PIEZO2: variants seen among roughly 807,000 people sequenced by gnomAD.
PIEZO2 encodes the protein piezo-type mechanosensitive ion channel component 2.
A neutral mutation model predicts 337.3 loss-of-function variants in PIEZO2; 172 were observed. That is an observed-to-expected ratio of 0.51 (90% CI 0.45 to 0.58). The LOEUF (loss-of-function observed/expected upper bound fraction) is 0.58. PIEZO2 is among the 20% of genes least tolerant of loss of function. The pLI, the probability that PIEZO2 is intolerant of heterozygous loss-of-function variation, is 0.00. For synonymous variants in PIEZO2, 1,251 were observed against 1,228.5 expected (o/e 1.02, Z -0.38); for missense variants, 3,028 against 3,391.3 (o/e 0.89, Z 2.66).
At chr18:10,712,110 G>A (rs555993226) in intron 39 of PIEZO2, among the ~76,000 whole-genome samples, 204 of 152,294 alleles carry the variant, frequency 1.3e-3, no homozygotes, top group African/African-American at 4.4e-3. Flanking sequence ...TTCCTACAGC[G>A]GGTAGATTTA....
chr18:10,736,503 T>C (rs976469263), intron 34 of PIEZO2, 101 bp downstream of exon 34: 1 of 1,445,176 alleles, frequency 6.9e-7, no homozygotes, highest in Non-Finnish European at 9.1e-7. Flanking sequence ...CGGGGAGCTA[T>C]GACATATGAA....
chr18:10,807,310 A>G, intron 7 of PIEZO2, 36 bp from the exon 8 acceptor site: 2 of 1,516,172 alleles, frequency 1.3e-6, no homozygotes, highest in Non-Finnish European at 1.8e-6. Flanking sequence ...TAAAAGATGC[A>G]ATAAGCTATA....
intron 4 of PIEZO2, among the ~76,000 whole-genome samples, chr18:10,890,943 A>T (rs999528232): frequency 5.3e-5 from 8 of 152,222 alleles, no homozygotes; most frequent in African/African-American, 1.9e-4. Context: ...GAACAAAGGA[A>T]ATAAAAAATA....
chr18:10,687,893 G>A (rs1013596946), intron 49 of PIEZO2, among the ~76,000 whole-genome samples: 8 of 152,212 alleles, frequency 5.3e-5, no homozygotes, highest in Admixed American at 4.6e-4. Flanking sequence ...CCACAGGACT[G>A]ACTCCAGGCA....
At chr18:10,694,856 TAAA>T (rs796225020) in intron 47 of PIEZO2, among the ~76,000 whole-genome samples, 4 of 151,406 alleles carry the variant, frequency 2.6e-5, no homozygotes, top group Non-Finnish European at 5.9e-5. Flanking sequence ...AATAAATAAA[TAAA>T]TTTTTTAAAA....
At chr18:11,098,769 TTTTAAA>T (rs540656748) in intron 1 of PIEZO2, among the ~76,000 whole-genome samples, 5 of 151,906 alleles carry the variant, frequency 3.3e-5, no homozygotes, top group Non-Finnish European at 7.4e-5. Context: ...TTGCAGTCCC[TTTTAAA>T]TTTATTTATT....
chr18:10,763,264 GTTA>G, intron 21 of PIEZO2, 166 bp from the exon 22 acceptor site: 1 of 673,998 alleles, frequency 1.5e-6, no homozygotes, highest in Non-Finnish European at 2.5e-6. Context: ...AAGTAGGTGA[GTTA>G]TGGTCTCACC....
At chr18:11,041,750 A>C (rs994693005) in intron 2 of PIEZO2, among the ~76,000 whole-genome samples, 1 of 152,230 alleles carries the variant, frequency 6.6e-6, no homozygotes, top group Non-Finnish European at 1.5e-5. Context: ...TGTAAATGCT[A>C]TACAAATTTG....
chr18:10,911,779 A>ACAG (rs1276572784), intron 3 of PIEZO2, among the ~76,000 whole-genome samples: 1 of 149,704 alleles, frequency 6.7e-6, no homozygotes, highest in African/African-American at 2.5e-5. Flanking sequence ...AAACAAAACA[A>ACAG]CAACAACAAC....
At chr18:11,135,310 C>T (rs935236488) in intron 1 of PIEZO2, among the ~76,000 whole-genome samples, 3 of 152,146 alleles carry the variant, frequency 2.0e-5, no homozygotes, top group African/African-American at 7.2e-5. Context: ...GTAGGAGAAG[C>T]TGGGTGAATA....
At chr18:10,935,294 A>G (rs1909630043) in intron 3 of PIEZO2, among the ~76,000 whole-genome samples, 1 of 152,206 alleles carries the variant, frequency 6.6e-6, no homozygotes, top group African/African-American at 2.4e-5. Context: ...AGAAGCCTGA[A>G]TTGTTTCACA....
In PIEZO2 at chr18:11,114,671, A is replaced by C. The variant is rs180933911; in HGVS notation, c.64+33854T>G. ...CAGAGGGAGACTCTGTCTTAAACAA[A>C]AAAAAAAAGGCAGTTGGGGTGCTTT... On this transcript the variant is annotated intron_variant, in intron 1 of 55. Transcript: ENST00000674853. Among the ~76,000 whole-genome samples the C allele has an allele frequency of 5.6e-3, 845 of 151,694 alleles. 4 individuals are homozygous for C. Among genetic ancestry groups the C allele is most frequent in the Middle Eastern group, 0.014 (4 of 292 alleles).
chr18:10,680,515 G>T, intron 51 of PIEZO2, 144 bp from the exon 52 acceptor site: 1 of 796,998 alleles, frequency 1.3e-6, no homozygotes, highest in Non-Finnish European at 1.9e-6. Context: ...GGTCTTGAGT[G>T]TTCCATTGCA....
rs1215860732 is a variant in PIEZO2, at chr18:10,726,638, C to T, written c.5029+4769G>A. On this transcript the variant is annotated intron_variant, in intron 36 of 55. Transcript: ENST00000674853. This position sits in a 1 kb window ranked among gnomAD's most constrained non-coding sequence, Gnocchi z 5.9. Reference sequence around the variant, plus strand: ...GCCGACGTGCGCTGGGAGTACTGCGCGCGCGCCAAGCGCGGCCAGACAGAC... The same window carrying T: ...GCCGACGTGCGCTGGGAGTACTGCGTGCGCGCCAAGCGCGGCCAGACAGAC... The T allele has an allele frequency of 3.1e-5, 44 of 1,397,984 alleles. No individual in the cohort carries two copies. Among genetic ancestry groups the T allele is most frequent in the East Asian group, 7.4e-5 (3 of 40,734 alleles). 86.6% of individuals were successfully genotyped at this position (1,397,984 alleles called of 1,614,324 possible). A position where few individuals can be genotyped will look rare whatever the true frequency, so the allele number is the denominator to read the frequency against.
chr18:11,074,596 C>A (rs1207065739), intron 1 of PIEZO2, among the ~76,000 whole-genome samples: 1 of 152,138 alleles, frequency 6.6e-6, no homozygotes, highest in Non-Finnish European at 1.5e-5. Context: ...CTTGGACTTG[C>A]CTCATTCATG....
At chr18:10,756,642 G>A (rs1416193872) in intron 27 of PIEZO2, among the ~76,000 whole-genome samples, 18 of 144,108 alleles carry the variant, frequency 1.2e-4, no homozygotes, top group South Asian at 2.3e-4. Context: ...AGGAGGAGGG[G>A]TGGGGATGAG....
intron 26 of PIEZO2, 115 bp from the exon 27 acceptor site, chr18:10,758,249 T>A: frequency 8.3e-7 from 1 of 1,200,540 alleles, no homozygotes; most frequent in Non-Finnish European, 1.1e-6. Flanking sequence ...TGAGTTGTGT[T>A]CCCAAAGTTC....
At chr18:10,765,096 A>G (rs1268578746) in intron 21 of PIEZO2, among the ~76,000 whole-genome samples, 5 of 152,242 alleles carry the variant, frequency 3.3e-5, no homozygotes, top group African/African-American at 1.2e-4. Flanking sequence ...AACTAGGTTC[A>G]AGGTGACACA....
intron 1 of PIEZO2, among the ~76,000 whole-genome samples, chr18:11,121,362 C>A (rs532205504): frequency 6.6e-6 from 1 of 152,268 alleles, no homozygotes; most frequent in South Asian, 2.1e-4. Flanking sequence ...CCAGACCAGC[C>A]TGGGCAACAT....
Sources: gnomAD v4.1 joint callset for allele counts (sites outside exome capture counted in the v4.1 genomes callset) on GRCh38, gnomAD v4.1.1 for gene constraint, Gnocchi (gnomAD v3.1) non-coding constraint, MANE v1.5 for transcripts, NCBI Gene and HGNC (gene_info 2026-07-23, HGNC 2026-07-21) for gene names.